DMTN: variants seen among roughly 807,000 people sequenced by gnomAD.
DMTN encodes dematin actin binding protein.
In DMTN, 27 loss-of-function variants were observed where a neutral mutation model predicts 59.4. The observed-to-expected ratio is 0.45, with a 90% confidence interval of 0.33 to 0.63. The LOEUF is 0.63. Among genes scored for constraint, DMTN ranks in the 20% least tolerant of loss-of-function variants. The pLI, the probability that DMTN is intolerant of heterozygous loss-of-function variation, is 0.02. For missense variants in DMTN, 451 were observed against 528.9 expected, an observed-to-expected ratio of 0.85 and a Z score of 1.45; for synonymous variants, 221 against 203.7, an observed-to-expected ratio of 1.08 and a Z score of -0.72.
In DMTN at chr8:22,082,423, G is replaced by C; in HGVS notation, c.*960G>C. On this transcript the variant is annotated 3_prime_UTR_variant, in exon 16 of 16. Coordinates refer to ENST00000358242, the MANE Select transcript of DMTN (RefSeq NM_001387751.1). ...TATCTATATTTTTGCCCAGGTCTGG[G>C]TATTGCTCCTGCCCAGACCCTGACA... is the stretch of plus-strand genomic sequence containing the variant. 1 of 357,196 alleles carries C rather than the reference G, an allele frequency of 2.8e-6. No homozygotes were observed. The highest frequency in any genetic ancestry group is 2.1e-5 in the African/African-American group (1 of 46,934). The allele number at this position is 357,196 out of a possible 1,614,324, so 22.1% of individuals were successfully genotyped here.
chr8:22,051,698 G>A (rs1441456628), upstream of DMTN, among the ~76,000 whole-genome samples: 2 of 152,094 alleles, frequency 1.3e-5, no homozygotes, highest in African/African-American at 2.4e-5. Flanking sequence ...CTCCTTGCGC[G>A]TGACTGCTCT....
chr8:22,081,368 G>A lies in DMTN; in HGVS notation c.1123G>A (p.Asp375Asn). The change falls in exon 16 of 16, where the codon GAC (aspartate) becomes AAC (asparagine). Residue 375 changes from aspartate (D) to asparagine (N), a missense_variant. By Grantham distance (23) the Asp-to-Asn change is conservative (BLOSUM62 1). Transcript: ENST00000358242. ...CATGTAGAGGCATCTGTCTGCCGAG[G>A]ACTTCTCAAGGGTATTTGCCATGTC... ...MRLERHLSAE[D>N]FSRVFAMSPE... 1 of 1,614,084 alleles carries A rather than the reference G, an allele frequency of 6.2e-7. No individual in the cohort carries two copies. Among genetic ancestry groups the A allele is most frequent in the Non-Finnish European group, 8.5e-7 (1 of 1,179,964 alleles).
intron 1 of DMTN, among the ~76,000 whole-genome samples, chr8:22,057,657 T>G (rs923006472): frequency 6.6e-6 from 1 of 151,166 alleles, no homozygotes. Flanking sequence ...GAGTGAAGAG[T>G]GAGGCTGTGG....
upstream of DMTN, among the ~76,000 whole-genome samples, chr8:22,051,847 C>T (rs1027429894): frequency 6.6e-6 from 1 of 152,214 alleles, no homozygotes; most frequent in African/African-American, 2.4e-5. Flanking sequence ...CACTTACCTT[C>T]CCTACCATCA....
chr8:22,065,720 A>G (rs2130827645), intron 1 of DMTN, among the ~76,000 whole-genome samples: 1 of 151,572 alleles, frequency 6.6e-6, no homozygotes, highest in East Asian at 2.0e-4. Context: ...CTGTAATTCC[A>G]GCTACTCGGG....
chr8:22,068,484 C>G (rs1031069985), intron 4 of DMTN, among the ~76,000 whole-genome samples: 4 of 152,132 alleles, frequency 2.6e-5, no homozygotes, highest in Non-Finnish European at 5.9e-5. Flanking sequence ...GGGAGAATCC[C>G]TTGAGGCTGG....
At chr8:22,059,239 A>C (rs1804538839) in intron 1 of DMTN, 1 of 152,470 alleles carries the variant, frequency 6.6e-6, no homozygotes, top group South Asian at 2.1e-4. Flanking sequence ...GGAGGAAGAA[A>C]GGGAGAGAGG....
intron 10 of DMTN, among the ~76,000 whole-genome samples, chr8:22,076,719 C>A (rs1164619765): frequency 6.6e-6 from 1 of 151,478 alleles, no homozygotes; most frequent in Non-Finnish European, 1.5e-5. Context: ...TTGGGTGACA[C>A]CTGGGTGTCC....
Position 22,082,055 on chromosome 8 carries a change from C to T in DMTN, c.*592C>T, listed in dbSNP as rs1276490991. The T allele has an allele frequency of 8.8e-6, 4 of 456,732 alleles. 1 individual carries two copies. Among genetic ancestry groups the T allele is most frequent in the South Asian group, 4.6e-5 (3 of 64,578 alleles). 28.3% of individuals were successfully genotyped at this position (456,732 alleles called of 1,614,324 possible). The stretch of plus-strand genomic sequence containing the variant: ...TTCCAAGCCTTTTGCTCCAGCCCTG[C>T]GGCTTCCCCAGAAGCCTGGGCTTAG... On this transcript the variant is annotated 3_prime_UTR_variant, in exon 16 of 16. Transcript: ENST00000358242.
At chr8:22,066,947 G>C (rs1202849660) in intron 2 of DMTN, 54 bp downstream of exon 2, 1 of 1,238,660 alleles carries the variant, frequency 8.1e-7, no homozygotes, top group African/African-American at 1.6e-5. Flanking sequence ...GGGCCGCTTG[G>C]GAGTCCAGGG....
intron 1 of DMTN, among the ~76,000 whole-genome samples, chr8:22,063,361 C>T (rs888662534): frequency 1.3e-5 from 2 of 152,208 alleles, no homozygotes; most frequent in Admixed American, 1.3e-4. Flanking sequence ...AGACCTGGAT[C>T]GCCTCTGCCT....
At chr8:22,061,509 C>T (rs184180138) in intron 1 of DMTN, among the ~76,000 whole-genome samples, 66 of 152,186 alleles carry the variant, frequency 4.3e-4, no homozygotes, top group Non-Finnish European at 9.1e-4. Flanking sequence ...TTACCCTGGG[C>T]CACTCACCTT....
Position 22,081,406 on chromosome 8 carries a change from T to C in DMTN, c.1161T>C (p.Phe387=), listed in dbSNP as rs566100853. 1 of 1,614,112 alleles carries C rather than the reference T, an allele frequency of 6.2e-7. No individual in the cohort carries two copies. Among genetic ancestry groups the C allele is most frequent in the South Asian group, 1.1e-5 (1 of 91,088 alleles). ...TATTTGCCATGTCCCCTGAAGAGTT[T>C]GGCAAGCTGGCTCTGTGGAAGCGGA... ...SRVFAMSPEE[F]GKLALWKRNE... is the part of the protein sequence containing the mutation. Residue 387 remains phenylalanine (F), a synonymous_variant, in exon 16 of 16, where the codon TTT becomes TTC. Transcript: ENST00000358242.
At chr8:22,050,000 G>T (rs1401509624), upstream of DMTN, among the ~76,000 whole-genome samples, 1 of 152,194 alleles carries the variant, frequency 6.6e-6, no homozygotes, top group African/African-American at 2.4e-5. Context: ...AATTTAGAAG[G>T]TGGGGACAGC....
chr8:22,064,603 C>A (rs1241971034), intron 1 of DMTN, among the ~76,000 whole-genome samples: 1 of 152,110 alleles, frequency 6.6e-6, no homozygotes, highest in African/African-American at 2.4e-5. Context: ...GGACTACAGG[C>A]GCCCGCCACC....
At chr8:22,068,938 G>A in intron 4 of DMTN, 78 bp from the exon 5 acceptor site, 1 of 1,514,154 alleles carries the variant, frequency 6.6e-7, no homozygotes, top group Non-Finnish European at 9.2e-7. Flanking sequence ...GGTGGGGGAT[G>A]AGGTGGCCTC....
chr8:22,067,734 A>C (rs1585894424), intron 4 of DMTN, 52 bp downstream of exon 4: 7 of 1,594,366 alleles, frequency 4.4e-6, no homozygotes, highest in African/African-American at 2.7e-5. Context: ...CCCCAGCCAC[A>C]CTGGGTGGGG....
chr8:22,052,679 C>CT (rs149074884), upstream of DMTN, among the ~76,000 whole-genome samples: 132 of 149,540 alleles, frequency 8.8e-4, 2 homozygotes, highest in East Asian at 4.3e-3. Flanking sequence ...ACAAAGCAAC[C>CT]TTTTTTTTTT....
At chr8:22,056,033 C>A (rs1470172084), upstream of DMTN, among the ~76,000 whole-genome samples, 1 of 152,176 alleles carries the variant, frequency 6.6e-6, no homozygotes, top group Non-Finnish European at 1.5e-5. Context: ...TTGTCCTTCC[C>A]CATCCTGCCC....
Sources: allele counts gnomAD v4.1 joint callset (sites outside exome capture counted in the v4.1 genomes callset), GRCh38; gene constraint gnomAD v4.1.1; transcripts MANE v1.5; gene names NCBI Gene and HGNC (gene_info 2026-07-23, HGNC 2026-07-21).